MYH13: variants seen among roughly 807,000 people sequenced by gnomAD.
MYH13 encodes the protein myosin-13.
Under a neutral mutation model 232.1 loss-of-function variants are expected in MYH13, and 177 were observed. The ratio of observed to expected loss-of-function variants is 0.76; its 90% confidence interval spans 0.67 to 0.86. The LOEUF is 0.86. Ranked by LOEUF, MYH13 falls within the 40% of genes least tolerant of loss-of-function variation. The pLI, the probability that MYH13 is intolerant of heterozygous loss-of-function variation, is 0.00. For missense variants in MYH13, 2,246 were observed against 2,405.9 expected (o/e 0.93, Z 1.39); for synonymous variants, 884 against 923.5 (o/e 0.96, Z 0.78).
intron 19 of MYH13, among the ~76,000 whole-genome samples, chr17:10,332,425 G>A (rs543796522): frequency 1.2e-4 from 19 of 152,272 alleles, no homozygotes; most frequent in African/African-American, 4.6e-4. Context: ...CAAGGTGGGT[G>A]GGAGAGAAGC....
intron 23 of MYH13, among the ~76,000 whole-genome samples, chr17:10,322,746 G>A (rs1907011682): frequency 6.7e-6 from 1 of 149,464 alleles, no homozygotes; most frequent in African/African-American, 2.5e-5. Context: ...CCATTCTCCG[G>A]CCTCAGCCTC....
intron 2 of MYH13, among the ~76,000 whole-genome samples, chr17:10,364,885 T>C (rs1340661370): frequency 6.6e-6 from 1 of 152,070 alleles, no homozygotes; most frequent in Non-Finnish European, 1.5e-5. Context: ...TCTTTCTTTC[T>C]TTCTTTTGAG....
rs2071736675 is a variant in MYH13, at chr17:10,354,841, T to C, written c.901+54A>G. ...TGCATAACTTACTCTGGGTTGTTTTTTTTTTCCCAACGTCACCGATTTGGA... is the reference window on the plus strand; with the variant it reads ...TGCATAACTTACTCTGGGTTGTTTTCTTTTTCCCAACGTCACCGATTTGGA... On this transcript the variant is annotated intron_variant, in intron 10 of 40. Transcript: ENST00000252172. 3 of 1,602,132 alleles carry C rather than the reference T, an allele frequency of 1.9e-6. No homozygotes were observed. In the Admixed American group the frequency reaches 5.0e-5, roughly 27 times the overall value.
chr17:10,358,729 C>T (rs891422357), intron 7 of MYH13, among the ~76,000 whole-genome samples: 2 of 152,014 alleles, frequency 1.3e-5, no homozygotes, highest in Non-Finnish European at 2.9e-5. Flanking sequence ...GTACTCCAGC[C>T]TGGGTGACAG....
At chr17:10,334,496 C>T (rs1012118111) in intron 18 of MYH13, among the ~76,000 whole-genome samples, 2 of 152,102 alleles carry the variant, frequency 1.3e-5, no homozygotes, top group African/African-American at 4.8e-5. Flanking sequence ...ACAGTGCAGA[C>T]ATGGGGCATT....
intron 12 of MYH13, among the ~76,000 whole-genome samples, chr17:10,348,386 AGGTTTT>A (rs1304630792): frequency 2.0e-5 from 3 of 152,188 alleles, no homozygotes; most frequent in Admixed American, 1.3e-4. Context: ...GTTTAGGTTT[AGGTTTT>A]GGTTTTGCTT....
intron 31 of MYH13, 119 bp downstream of exon 31, chr17:10,312,455 C>T (rs1337333377): frequency 3.3e-6 from 4 of 1,201,700 alleles, no homozygotes; most frequent in African/African-American, 3.1e-5. Flanking sequence ...TTGTTTTCAC[C>T]ACTGCCACTG....
At chr17:10,372,927 G>A (rs1437814444) in intron 1 of MYH13, 52 bp downstream of exon 1, 2 of 152,126 alleles carry the variant, frequency 1.3e-5, no homozygotes, top group Non-Finnish European at 2.9e-5. Flanking sequence ...AACCTGATCA[G>A]GTGCAACTAT....
chr17:10,323,203 G>A (rs1219131818), intron 23 of MYH13, among the ~76,000 whole-genome samples: 5 of 152,106 alleles, frequency 3.3e-5, no homozygotes, highest in Non-Finnish European at 4.4e-5. Flanking sequence ...TTGCTGGGTC[G>A]TAGGGTATCT....
intron 35 of MYH13, 23 bp downstream of exon 35, chr17:10,309,211 C>CGGA (rs1567655583): frequency 1.2e-6 from 2 of 1,607,522 alleles, no homozygotes; most frequent in Middle Eastern, 1.8e-4. Context: ...GGACCTTCAG[C>CGGA]GGAGGAGTGA....
At position 10,301,680 on chromosome 17, in the gene MYH13, C is replaced by T. The variant is rs748396294; in HGVS notation, c.5691G>A (p.Leu1897=). Residue 1897 remains leucine (L), a synonymous_variant, in exon 40 of 41, where the codon CTG becomes CTA. Transcript: ENST00000252172. ...EEAEEQANTQ[L]SRCRRVQHEL... ...CATGCTGGACTCTCCGGCATCTGGA[C>T]AGCTGCGTGTTGGCCTGCTCCTCCT... The T allele has an allele frequency of 6.2e-7, 1 of 1,613,940 alleles. No individual in the cohort carries two copies. The highest frequency in any genetic ancestry group is 2.2e-5 in the East Asian group (1 of 44,886).
chr17:10,333,184 C>T lies in MYH13; in HGVS notation c.2064G>A (p.Met688Ile). 2 of 1,546,690 alleles carry T rather than the reference C, an allele frequency of 1.3e-6. No homozygotes were observed. Among genetic ancestry groups the T allele is most frequent in the Non-Finnish European group, 1.8e-6 (2 of 1,142,484 alleles). The change falls in exon 19 of 41, where the codon ATG (methionine) becomes ATA (isoleucine). Residue 688 changes from methionine to isoleucine, a missense_variant. By Grantham distance (10) the Met-to-Ile change is conservative. Transcript: ENST00000252172. ...IPNETKTPGV[M>I]DHYLVMHQLR... ...GCTGGTGCATGACCAAGTAGTGGTC[C>T]ATCACACCTGGAGAGAGAACGTCCC...
intron 34 of MYH13, 32 bp from the exon 35 acceptor site, chr17:10,309,469 C>T: frequency 1.3e-6 from 2 of 1,599,624 alleles, no homozygotes; most frequent in Non-Finnish European, 1.7e-6. Context: ...AGGCCAGAGC[C>T]GCCTGGCAGG....
In MYH13 at chr17:10,309,234, C is replaced by G; in HGVS notation, c.5169G>C (p.Gln1723His). Reference sequence around the variant, plus strand: ...AGCGGAGGAGTGAGGGCCGACGCACCTGGGAGTGCAGGAGCTGCACGCGGT... The same window carrying G: ...AGCGGAGGAGTGAGGGCCGACGCACGTGGGAGTGCAGGAGCTGCACGCGGT... ...ASDRVQLLHS[Q>H]NTSLINTKKK... The change falls in exon 35 of 41, where the codon CAG (glutamine) becomes CAC (histidine). Residue 1723 changes from glutamine (Q) to histidine (H), a missense_variant and splice_region_variant. By Grantham distance (24) the Gln-to-His change is conservative (BLOSUM62 0). Transcript: ENST00000252172. 6.2e-7 allele frequency: 1 copy of G among 1,612,960 alleles called. No individual in the cohort carries two copies. The highest frequency in any genetic ancestry group is 1.7e-5 in the Admixed American group (1 of 59,986).
chr17:10,354,557 G>T, intron 11 of MYH13, 123 bp downstream of exon 11: 1 of 873,930 alleles, frequency 1.1e-6, no homozygotes, highest in Non-Finnish European at 1.8e-6. Flanking sequence ...TGATCTCTGA[G>T]ATCTTGAGTC....
chr17:10,329,698 G>A (rs771263092), intron 21 of MYH13, among the ~76,000 whole-genome samples: 16 of 151,554 alleles, frequency 1.1e-4, no homozygotes, highest in Non-Finnish European at 2.1e-4. Context: ...AAGTGCTTTC[G>A]TCAGCTGGGC....
chr17:10,355,679 G>A (rs904765938), intron 8 of MYH13, among the ~76,000 whole-genome samples: 1 of 152,010 alleles, frequency 6.6e-6, no homozygotes, highest in East Asian at 1.9e-4. Context: ...CACAACTCAG[G>A]GGATGCCCAC....
chr17:10,306,432 G>A lies in MYH13; in HGVS notation c.5466+27C>T. The A allele has an allele frequency of 6.2e-7, 1 of 1,613,812 alleles. No individual in the cohort carries two copies. The highest frequency in any genetic ancestry group is 1.1e-5 in the South Asian group (1 of 91,062). ...GTTCTGTCCGAGGCTGTCACTTTCA[G>A]AGTAACAGTCCTCTCAAAAACTCTA... On this transcript the variant is annotated intron_variant, in intron 37 of 40. Transcript: ENST00000252172. This position sits in a 1 kb window ranked among gnomAD's most constrained non-coding sequence, Gnocchi z 4.3.
chr17:10,355,489 G>C (rs1218861486), intron 8 of MYH13, among the ~76,000 whole-genome samples: 1 of 152,126 alleles, frequency 6.6e-6, no homozygotes, highest in Non-Finnish European at 1.5e-5. Context: ...CAAATAAATG[G>C]CATGCTTACA....
Sources: gnomAD v4.1 joint callset for allele counts (sites outside exome capture counted in the v4.1 genomes callset) on GRCh38, gnomAD v4.1.1 for gene constraint, Gnocchi (gnomAD v3.1) non-coding constraint, MANE v1.5 for transcripts, NCBI Gene and HGNC (gene_info 2026-07-23, HGNC 2026-07-21) for gene names.